ANO4: variants seen among roughly 807,000 people sequenced by gnomAD.
ANO4 encodes anoctamin 4, also known as anoctamin-4.
ANO4 carries 69 observed loss-of-function variants against 141.9 expected under a neutral mutation model. The observed-to-expected ratio is 0.49, with a 90% CI of 0.40 to 0.59. The LOEUF (loss-of-function observed/expected upper bound fraction) is 0.59, where lower values mean the gene tolerates loss of function less well. ANO4 is among the 20% of genes least tolerant of loss of function. The pLI, the probability that ANO4 is intolerant of heterozygous loss-of-function variation, is 0.00. For missense variants in ANO4, 894 were observed against 1,162.2 expected (o/e 0.77, Z 3.36); for synonymous variants, 350 against 394.3 (o/e 0.89, Z 1.33).
At chr12:100,970,675 TTCCTTCCTTC>T (rs2043886312) in intron 5 of ANO4, among the ~76,000 whole-genome samples, 1 of 52,916 alleles carries the variant, frequency 1.9e-5, no homozygotes, top group Non-Finnish European at 3.1e-5. Flanking sequence ...CCTTCCTTCC[TTCCTTCCTTC>T]CTTCCTTCCT....
intron 9 of ANO4, 113 bp downstream of exon 9, chr12:101,020,253 C>G: frequency 1.5e-6 from 1 of 687,286 alleles, no homozygotes; most frequent in Non-Finnish European, 2.5e-6. Flanking sequence ...ACTTATAAAA[C>G]CCCTAACTAA....
chr12:101,071,578 GA>G (rs2048813199), intron 14 of ANO4, among the ~76,000 whole-genome samples: 1 of 151,468 alleles, frequency 6.6e-6, no homozygotes, highest in Admixed American at 6.6e-5. Context: ...GAGGAGGGGG[GA>G]TGGTTAATGA....
chr12:100,809,276 G>T (rs1338324042), intron 1 of ANO4, among the ~76,000 whole-genome samples: 1 of 151,866 alleles, frequency 6.6e-6, no homozygotes, highest in African/African-American at 2.4e-5. Context: ...AATCCCAGCT[G>T]CTCTGGAGGC....
Position 101,110,426 on chromosome 12 carries a change from T to C in ANO4, c.2172T>C (p.Thr724=), listed in dbSNP as rs767226812. The change falls in exon 23 of 28, where the codon ACT becomes ACC. Residue 724 remains threonine, a synonymous_variant. Transcript: ENST00000392977. The part of the protein sequence containing the change: ...LEMILQFGFT[T]IFVAAFPLAP... ...TAGTTCTTCAGTTTGGATTCACAACTATCTTTGTGGCAGCTTTTCCCCTAG... is the reference window on the plus strand; with the variant it reads ...TAGTTCTTCAGTTTGGATTCACAACCATCTTTGTGGCAGCTTTTCCCCTAG... The C allele has an allele frequency of 1.9e-6, 3 of 1,609,348 alleles. No individual in the cohort carries two copies. The African/African-American group carries it at 4.0e-5, about 22-fold the overall frequency.
At chr12:100,996,368 G>C (rs2045369220) in intron 8 of ANO4, among the ~76,000 whole-genome samples, 1 of 152,148 alleles carries the variant, frequency 6.6e-6, no homozygotes, top group Admixed American at 6.5e-5. Flanking sequence ...GTTGGTGCTG[G>C]GGTCATGGAG....
chr12:101,118,430 A>G (rs746286899), intron 25 of ANO4, among the ~76,000 whole-genome samples: 3 of 152,290 alleles, frequency 2.0e-5, no homozygotes, highest in Non-Finnish European at 4.4e-5. Context: ...TTTTTCTTAA[A>G]AGTCCCCCAA....
intron 22 of ANO4, among the ~76,000 whole-genome samples, chr12:101,103,084 A>G (rs1022917750): frequency 1.3e-4 from 19 of 149,888 alleles, no homozygotes; most frequent in Non-Finnish European, 2.1e-4. Context: ...TCTAATGTCA[A>G]TTAGAGTTGC....
chr12:100,786,354 G>C (rs1206706171), intron 3 of ANO4, among the ~76,000 whole-genome samples: 2 of 136,786 alleles, frequency 1.5e-5, no homozygotes, highest in Admixed American at 7.1e-5. Flanking sequence ...AGGAAAAGGT[G>C]GGGGGGAATT....
chr12:100,828,830 C>T (rs2036494133), intron 1 of ANO4, among the ~76,000 whole-genome samples: 1 of 151,936 alleles, frequency 6.6e-6, no homozygotes, highest in South Asian at 2.1e-4. Context: ...CCAGCCTGGC[C>T]AACATGGTAA....
intron 2 of ANO4, among the ~76,000 whole-genome samples, chr12:100,907,181 C>A (rs914261895): frequency 6.6e-6 from 1 of 152,192 alleles, no homozygotes; most frequent in Non-Finnish European, 1.5e-5. Flanking sequence ...TAGCCTCTCC[C>A]TACTTTTCCA....
chr12:100,941,859 A>T (rs2136175858), intron 4 of ANO4, among the ~76,000 whole-genome samples: 1 of 151,814 alleles, frequency 6.6e-6, no homozygotes, highest in African/African-American at 2.4e-5. Flanking sequence ...GATGTTTTAC[A>T]TTTTGCGCAC....
chr12:100,953,139 C>T (rs1341441172), intron 5 of ANO4, among the ~76,000 whole-genome samples: 3 of 152,224 alleles, frequency 2.0e-5, no homozygotes, highest in South Asian at 2.1e-4. Context: ...TTATGTGCCA[C>T]ATGTGGGCAT....
chr12:101,102,880 T>C (rs997318301), intron 22 of ANO4, among the ~76,000 whole-genome samples: 3 of 152,098 alleles, frequency 2.0e-5, no homozygotes, highest in East Asian at 3.9e-4. Flanking sequence ...TTTTACATTT[T>C]TCTCAGCAAT....
chr12:101,038,347 C>T (rs868016613), intron 10 of ANO4: 6 of 152,078 alleles, frequency 3.9e-5, no homozygotes, highest in Non-Finnish European at 7.3e-5. Flanking sequence ...CTGCTCTCAG[C>T]CCCAGCTCAT....
At chr12:101,037,516 C>G (rs564935857) in intron 10 of ANO4, among the ~76,000 whole-genome samples, 6 of 152,250 alleles carry the variant, frequency 3.9e-5, no homozygotes, top group African/African-American at 1.4e-4. Flanking sequence ...AAATGTATAG[C>G]TATTGCTTAA....
intron 22 of ANO4, among the ~76,000 whole-genome samples, chr12:101,108,830 T>C (rs2050552235): frequency 6.6e-6 from 1 of 152,182 alleles, no homozygotes; most frequent in East Asian, 1.9e-4. Flanking sequence ...TTTCTATACC[T>C]TACTTTTGCT....
intron 8 of ANO4, among the ~76,000 whole-genome samples, chr12:100,999,293 C>T (rs1356631829): frequency 6.6e-6 from 1 of 152,200 alleles, no homozygotes; most frequent in Non-Finnish European, 1.5e-5. Flanking sequence ...CATTCCTTAG[C>T]CCATGGCTTC....
intron 1 of ANO4, among the ~76,000 whole-genome samples, chr12:100,731,068 T>C (rs773198434): frequency 1.2e-4 from 18 of 152,208 alleles, no homozygotes; most frequent in Non-Finnish European, 2.5e-4. Flanking sequence ...TACAAAGCCA[T>C]CTTCTCTGTC....
At chr12:100,886,758 A>T (rs1175403019) in intron 1 of ANO4, among the ~76,000 whole-genome samples, 2 of 152,188 alleles carry the variant, frequency 1.3e-5, no homozygotes, top group African/African-American at 4.8e-5. Flanking sequence ...AGAGTTGAGT[A>T]GCTGCAACAG....
Sources: allele counts gnomAD v4.1 joint callset (sites outside exome capture counted in the v4.1 genomes callset), GRCh38; gene constraint gnomAD v4.1.1; transcripts MANE v1.5; gene names NCBI Gene and HGNC (gene_info 2026-07-23, HGNC 2026-07-21).